IFT88: variants seen among roughly 807,000 people sequenced by gnomAD.
IFT88 encodes the protein intraflagellar transport 88.
In IFT88, 74 loss-of-function variants were observed where a neutral mutation model predicts 119.5. The observed-to-expected ratio is 0.62, with a 90% CI of 0.51 to 0.75. The LOEUF is 0.75. Ranked by LOEUF, IFT88 falls within the 30% of genes least tolerant of loss-of-function variation. The probability of loss-of-function intolerance (pLI) is 0.00; values close to 1 mark genes in which losing one functional copy is unlikely to be tolerated. For missense variants in IFT88, 961 were observed against 977.7 expected (o/e 0.98, Z 0.23); for synonymous variants, 279 against 316.7 (o/e 0.88, Z 1.26).
At chr13:20,627,730 C>CAAAA (rs58325378) in intron 15 of IFT88, among the ~76,000 whole-genome samples, 7 of 80,252 alleles carry the variant, frequency 8.7e-5, no homozygotes, top group African/African-American at 1.8e-4. Context: ...GACTTCATCT[C>CAAAA]AAAAAAAAAA....
chr13:20,687,072 ACTCTAAAAT>A (rs1389861707), intron 24 of IFT88, among the ~76,000 whole-genome samples: 1 of 150,046 alleles, frequency 6.7e-6, no homozygotes, highest in African/African-American at 2.5e-5. Context: ...AAACTACGTC[ACTCTAAAAT>A]GTTACAAATA....
At chr13:20,628,242 T>C (rs1394962305) in intron 15 of IFT88, among the ~76,000 whole-genome samples, 2 of 152,140 alleles carry the variant, frequency 1.3e-5, no homozygotes, top group East Asian at 3.9e-4. Flanking sequence ...TCACAGAGTA[T>C]GGGTCTTTTT....
chr13:20,657,902 G>T (rs1278468988), intron 22 of IFT88, among the ~76,000 whole-genome samples: 5 of 152,056 alleles, frequency 3.3e-5, no homozygotes, highest in African/African-American at 1.2e-4. Flanking sequence ...GATGTACTAC[G>T]TGTTTCTTCA....
chr13:20,683,497 T>TA (rs2057547656), intron 24 of IFT88, among the ~76,000 whole-genome samples: 1 of 152,190 alleles, frequency 6.6e-6, no homozygotes, highest in African/African-American at 2.4e-5. Flanking sequence ...TATAATTGAC[T>TA]GGATAGTCCC....
At chr13:20,626,623 A>G (rs1159195272) in intron 15 of IFT88, among the ~76,000 whole-genome samples, 1 of 152,146 alleles carries the variant, frequency 6.6e-6, no homozygotes, top group African/African-American at 2.4e-5. Flanking sequence ...TCATGGCTGT[A>G]TGGGGTTTTA....
chr13:20,635,362 A>C (rs907587504), intron 16 of IFT88, among the ~76,000 whole-genome samples: 5 of 152,200 alleles, frequency 3.3e-5, no homozygotes, highest in African/African-American at 4.8e-5. Flanking sequence ...TACCATGGAG[A>C]TATAAAGACA....
At chr13:20,645,192 C>T (rs1314893496) in intron 20 of IFT88, among the ~76,000 whole-genome samples, 3 of 152,154 alleles carry the variant, frequency 2.0e-5, no homozygotes, top group Admixed American at 2.0e-4. Context: ...CAGGTTCAAG[C>T]GATTCTCCTG....
intron 17 of IFT88, among the ~76,000 whole-genome samples, chr13:20,639,007 A>G (rs189661028): frequency 6.6e-6 from 1 of 152,216 alleles, no homozygotes; most frequent in African/African-American, 2.4e-5. Context: ...GCCAAATACT[A>G]CAAGCCATGA....
At chr13:20,663,144 G>A (rs1773244216) in intron 22 of IFT88, 2 of 703,644 alleles carry the variant, frequency 2.8e-6, no homozygotes, top group South Asian at 2.0e-5. Context: ...ACACTTTTTA[G>A]CCTAGTCTCT....
intron 16 of IFT88, among the ~76,000 whole-genome samples, chr13:20,635,806 A>T (rs896590138): frequency 6.6e-6 from 1 of 152,142 alleles, no homozygotes; most frequent in Non-Finnish European, 1.5e-5. Flanking sequence ...ACAGGTTGAT[A>T]GGTCCAGCAA....
chr13:20,633,410 A>G (rs981979441), intron 16 of IFT88, among the ~76,000 whole-genome samples: 2 of 152,172 alleles, frequency 1.3e-5, no homozygotes, highest in Admixed American at 1.3e-4. Flanking sequence ...ACCTCTAGGA[A>G]GGGGGACAAG....
intron 24 of IFT88, among the ~76,000 whole-genome samples, chr13:20,675,597 T>G (rs2056566198): frequency 6.6e-6 from 1 of 152,206 alleles, no homozygotes; most frequent in Admixed American, 6.5e-5. Flanking sequence ...AGACTTTTTC[T>G]GTAAAGGGCC....
chr13:20,666,848 C>G (rs574155135), intron 23 of IFT88, among the ~76,000 whole-genome samples: 1 of 152,224 alleles, frequency 6.6e-6, no homozygotes, highest in Non-Finnish European at 1.5e-5. Flanking sequence ...ACCTATCCCA[C>G]CACTTAGACA....
intron 24 of IFT88, among the ~76,000 whole-genome samples, chr13:20,672,483 C>T (rs1182705682): frequency 6.6e-6 from 1 of 152,174 alleles, no homozygotes; most frequent in Non-Finnish European, 1.5e-5. Flanking sequence ...TCTCCTTGCT[C>T]TTCCCTAGCC....
chr13:20,570,358 A>T (rs73163282), intron 1 of IFT88, among the ~76,000 whole-genome samples: 1 of 152,028 alleles, frequency 6.6e-6, no homozygotes, highest in Non-Finnish European at 1.5e-5. Context: ...TGATCCAGCA[A>T]TTCCTTTACT....
chr13:20,601,521 T>C (rs1468458096), intron 11 of IFT88, among the ~76,000 whole-genome samples, 184 bp from the exon 12 acceptor site: 1 of 152,198 alleles, frequency 6.6e-6, no homozygotes, highest in Non-Finnish European at 1.5e-5. Context: ...GCAATAATTA[T>C]CGAATCATAT....
intron 1 of IFT88, among the ~76,000 whole-genome samples, chr13:20,572,828 G>A (rs892748559): frequency 2.0e-5 from 3 of 152,052 alleles, no homozygotes; most frequent in South Asian, 2.1e-4. Context: ...GTTTTCTACC[G>A]CAAATTAGCT....
At chr13:20,598,855 C>G (rs961209890) in intron 10 of IFT88, 102 bp downstream of exon 10, 9 of 672,648 alleles carry the variant, frequency 1.3e-5, no homozygotes, top group Middle Eastern at 4.4e-4. Context: ...GATCTATGCT[C>G]TAAACAAATC....
chr13:20,633,959 G>T (rs1020635080), intron 16 of IFT88, among the ~76,000 whole-genome samples: 3 of 152,190 alleles, frequency 2.0e-5, no homozygotes, highest in African/African-American at 7.2e-5. Context: ...TTCTTTTACT[G>T]GGCTTGCCTG....
Sources: gnomAD v4.1 joint callset for allele counts (sites outside exome capture counted in the v4.1 genomes callset) on GRCh38, gnomAD v4.1.1 for gene constraint, MANE v1.5 for transcripts, NCBI Gene and HGNC (gene_info 2026-07-23, HGNC 2026-07-21) for gene names.